ARHGEF18: variants seen among roughly 807,000 people sequenced by gnomAD.
ARHGEF18 encodes Rho/Rac guanine nucleotide exchange factor 18.
In ARHGEF18, 93 loss-of-function variants were observed where a neutral mutation model predicts 155.7. The ratio of observed to expected loss-of-function variants is 0.60; its 90% CI spans 0.50 to 0.71. The LOEUF is 0.71. Ranked by LOEUF, ARHGEF18 falls within the 30% of genes least tolerant of loss-of-function variation. ARHGEF18 has a pLI of 0.00. For missense variants in ARHGEF18, 1,593 were observed against 1,816.1 expected, an observed-to-expected ratio of 0.88 and a Z score of 2.23; for synonymous variants, 742 against 753.1, an observed-to-expected ratio of 0.99 and a Z score of 0.24.
chr19:7,406,244 T>TA (rs1351028377), intron 10 of ARHGEF18, among the ~76,000 whole-genome samples: 3 of 152,036 alleles, frequency 2.0e-5, no homozygotes, highest in Non-Finnish European at 4.4e-5. Flanking sequence ...GCCACCACGC[T>TA]TGGCTAATTT....
chr19:7,410,101 T>C (rs1972588223), intron 10 of ARHGEF18, among the ~76,000 whole-genome samples: 1 of 152,094 alleles, frequency 6.6e-6, no homozygotes, highest in Non-Finnish European at 1.5e-5. Flanking sequence ...GAAGGGTTTT[T>C]CTAAGGTTCA....
chr19:7,456,415 G>A lies in ARHGEF18; in HGVS notation c.2181+12G>A, dbSNP rs2145857238. 1 of 1,613,042 alleles carries A rather than the reference G, an allele frequency of 6.2e-7. No individual in the cohort carries two copies. The highest frequency in any genetic ancestry group is 8.5e-7 in the Non-Finnish European group (1 of 1,179,116). On this transcript the variant is annotated intron_variant, in intron 18 of 28. Coordinates refer to ENST00000668164, the MANE Select transcript of ARHGEF18 (RefSeq NM_001367823.1). ...TCTTTGCTTCTGTGGTATGTATCCT[G>A]TCTCTTCAGACGAAGGGTCGGCTGG...
In ARHGEF18 at chr19:7,469,139, G is replaced by T. The variant is rs771069058; in HGVS notation, c.3787+8G>T. 8 of 1,581,594 alleles carry T rather than the reference G, an allele frequency of 5.1e-6. No homozygotes were observed. The highest frequency in any genetic ancestry group is 1.8e-5 in the Admixed American group (1 of 56,678). On this transcript the variant is annotated splice_region_variant and intron_variant, in intron 27 of 28. Transcript: ENST00000668164. ...AGCGCTGGGAGAGCTCAGGTGAGCC[G>T]GCCCCACCCCTTCGCCTGGGCCTGG...
intron 10 of ARHGEF18, among the ~76,000 whole-genome samples, chr19:7,393,152 C>T (rs1971503838): frequency 6.6e-6 from 1 of 152,016 alleles, no homozygotes; most frequent in Admixed American, 6.6e-5. Context: ...CTCATAAACT[C>T]CCGTGTTAGA....
rs368926365 is a variant in ARHGEF18, at chr19:7,443,637, G to A, written c.1361-567G>A. The stretch of plus-strand genomic sequence containing the variant: ...TTTCGACATACGAATTTTGGGGGAC[G>A]CAAACATCTTGTTCATTGCAGTCTA... On this transcript the variant is annotated intron_variant, in intron 13 of 28. Transcript: ENST00000668164. 2.5e-4 allele frequency among the ~76,000 whole-genome samples: 38 copies of A among 152,290 alleles called. No individual in the cohort carries two copies. The East Asian group carries it at 4.1e-3, about 16-fold the overall frequency.
rs1449612684 is a variant in ARHGEF18, at chr19:7,362,092, AAGG to A, written c.-110-686_-110-684del. Reference sequence around the variant, plus strand: ...GAAGGAGAAGGAGAAGGAGAAGGAGAAGGAGAAGGAGAAGGAGAAGGAGAAGGA... The same window carrying A: ...GAAGGAGAAGGAGAAGGAGAAGGAGAAGAAGGAGAAGGAGAAGGAGAAGGA... On this transcript the variant is annotated intron_variant, in intron 1 of 28. Coordinates refer to ENST00000668164, the MANE Select transcript of ARHGEF18 (RefSeq NM_001367823.1). Among the ~76,000 whole-genome samples the A allele has an allele frequency of 9.1e-4, 18 of 19,714 alleles. 3 individuals carry two copies. The highest frequency in any genetic ancestry group is 7.0e-3 in the East Asian group (5 of 716). The allele number at this position is 19,714 out of a possible 152,430, so 12.9% of individuals were successfully genotyped here.
intron 15 of ARHGEF18, among the ~76,000 whole-genome samples, chr19:7,450,851 G>A (rs79708180): frequency 2.1e-3 from 2 of 954 alleles, no homozygotes; most frequent in East Asian, 0.022. Flanking sequence ...AGATGTTAAT[G>A]CGGCGTCTTG....
chr19:7,396,910 G>A (rs1423686440), intron 10 of ARHGEF18, among the ~76,000 whole-genome samples: 1 of 151,900 alleles, frequency 6.6e-6, no homozygotes, highest in African/African-American at 2.4e-5. Flanking sequence ...CTGGCATATG[G>A]CAAACTTTCC....
rs2287918 is a variant in ARHGEF18, at chr19:7,463,848, A to G, written c.2666A>G (p.Gln889Arg). ...IEGIQSLICR[Q>R]LGSANGQAED... ...GGCATCCAGAGCCTGATCTGCAGGC[A>G]GCTGGGCAGCGCCAACGGCCAGGCG... Residue 889 changes from glutamine to arginine, a missense_variant, in exon 22 of 29, where the codon CAG becomes CGG. Coordinates refer to ENST00000668164, the MANE Select transcript of ARHGEF18 (RefSeq NM_001367823.1). The surrounding 1 kb of genome is among the most constrained non-coding windows in gnomAD (Gnocchi z 5.2). 1,212,353 of 1,605,072 alleles carry G rather than the reference A, an allele frequency of 0.76. 460,371 individuals are homozygous for G. Among genetic ancestry groups the G allele is most frequent in the African/African-American group, 0.94 (70,075 of 74,912 alleles).
chr19:7,394,372 G>A (rs1326813670), intron 10 of ARHGEF18, among the ~76,000 whole-genome samples: 1 of 151,850 alleles, frequency 6.6e-6, no homozygotes, highest in Admixed American at 6.6e-5. Flanking sequence ...TTTTTCTCAG[G>A]TGACAGACCC....
chr19:7,409,763 TC>T (rs1972559514), intron 10 of ARHGEF18, among the ~76,000 whole-genome samples: 3 of 69,062 alleles, frequency 4.3e-5, no homozygotes, highest in Admixed American at 1.6e-4. Context: ...TTTCTTTCTT[TC>T]TTTCTTTTTT....
chr19:7,411,424 A>C (rs1436844007), intron 10 of ARHGEF18, among the ~76,000 whole-genome samples: 1 of 152,084 alleles, frequency 6.6e-6, no homozygotes, highest in East Asian at 1.9e-4. Flanking sequence ...CTCCTGCCTC[A>C]GCCTCCCAAG....
intron 10 of ARHGEF18, among the ~76,000 whole-genome samples, chr19:7,388,877 G>A (rs1971231878): frequency 2.0e-5 from 3 of 152,010 alleles, no homozygotes; most frequent in Non-Finnish European, 2.9e-5. Context: ...CACCGCGCCT[G>A]GCCTGCCCTT....
intron 10 of ARHGEF18, among the ~76,000 whole-genome samples, chr19:7,419,963 C>T (rs1477238563): frequency 1.8e-5 from 2 of 112,974 alleles, no homozygotes; most frequent in African/African-American, 1.3e-4. Flanking sequence ...ACTCGGCCCT[C>T]ATACCCCAGG....
chr19:7,437,322 G>GAGGCT lies in ARHGEF18; in HGVS notation c.968-3022_968-3021insAGGCT, dbSNP rs1568332854. On this transcript the variant is annotated intron_variant, in intron 10 of 28. Coordinates refer to ENST00000668164, the MANE Select transcript of ARHGEF18 (RefSeq NM_001367823.1). ...ACATGCCTGTAATCCCAGCTACTCG[G>GAGGCT]GAGGCAGGAGAATCGCTTGAACCTG... 3.7e-3 allele frequency among the ~76,000 whole-genome samples: 551 copies of GAGGCT among 150,250 alleles called. 3 individuals carry two copies. The highest frequency in any genetic ancestry group is 8.9e-3 in the African/African-American group (365 of 41,072).
In ARHGEF18 at chr19:7,362,795, T is replaced by C; in HGVS notation, c.-96T>C. On this transcript the variant is annotated 5_prime_UTR_variant, in exon 2 of 29. Transcript: ENST00000668164. The stretch of plus-strand genomic sequence containing the variant: ...TTTCTCCACAGGCTCTGAGCCCAAG[T>C]CATGTGTCCAGCCTTTTGACTCTGG... 8.1e-7 allele frequency: 1 copy of C among 1,234,102 alleles called. No individual in the cohort carries two copies. The highest frequency in any genetic ancestry group is 2.1e-4 in the Middle Eastern group (1 of 4,840). 76.4% of individuals were successfully genotyped at this position (1,234,102 alleles called of 1,614,324 possible).
intron 13 of ARHGEF18, among the ~76,000 whole-genome samples, chr19:7,442,259 C>T (rs1329765043): frequency 6.6e-6 from 1 of 151,008 alleles, no homozygotes; most frequent in African/African-American, 2.4e-5. Flanking sequence ...TTTTTTGAGA[C>T]ACAGTCTCTC....
chr19:7,477,400 C>T (rs1241829769), downstream of ARHGEF18: 8 of 1,522,472 alleles, frequency 5.3e-6, no homozygotes, highest in East Asian at 2.5e-5. Context: ...ACTGCATCTG[C>T]GCCTCCATGG....
At chr19:7,396,573 G>A (rs773915714) in intron 10 of ARHGEF18, among the ~76,000 whole-genome samples, 1 of 152,014 alleles carries the variant, frequency 6.6e-6, no homozygotes, top group Non-Finnish European at 1.5e-5. Flanking sequence ...AAATTAGCCG[G>A]GCATGGTAGC....
Sources: gnomAD v4.1 joint callset for allele counts (sites outside exome capture counted in the v4.1 genomes callset) on GRCh38, gnomAD v4.1.1 for gene constraint, Gnocchi (gnomAD v3.1) non-coding constraint, MANE v1.5 for transcripts, NCBI Gene and HGNC (gene_info 2026-07-23, HGNC 2026-07-21) for gene names.